The following ARID5B variants were observed in gnomAD, a reference collection of about 807,000 sequenced individuals.
ARID5B encodes the protein AT-rich interaction domain 5B.
A neutral mutation model predicts 97.2 loss-of-function variants in ARID5B; 13 were observed. That is an observed-to-expected ratio of 0.13 (90% CI 0.09 to 0.21). ARID5B has a LOEUF of 0.21. Ranked by LOEUF, ARID5B falls within the 10% of genes least tolerant of loss-of-function variation. The pLI is 1.00. For synonymous variants in ARID5B, 556 were observed against 570.3 expected, an observed-to-expected ratio of 0.97 and a Z score of 0.36; for missense variants, 1,210 against 1,465.3, an observed-to-expected ratio of 0.83 and a Z score of 2.84.
In ARID5B at chr10:62,066,366, T is replaced by C. The variant is rs537383729; in HGVS notation, c.1102-3334T>C. 2.0e-5 allele frequency among the ~76,000 whole-genome samples: 3 copies of C among 152,262 alleles called. No homozygotes were observed. The South Asian group carries it at 6.2e-4, about 32-fold the overall frequency. The stretch of plus-strand genomic sequence containing the variant: ...TAGGAGACCTGTGTACTTAACAGCA[T>C]TTAACAGTTGTGAAGGGCACATTTT... On this transcript the variant is annotated intron_variant, in intron 7 of 9. Coordinates refer to ENST00000279873, the MANE Select transcript of ARID5B (RefSeq NM_032199.3).
At chr10:62,024,926 C>T in intron 4 of ARID5B, 1 of 316,370 alleles carries the variant, frequency 3.2e-6, no homozygotes, top group Non-Finnish European at 5.8e-6. Flanking sequence ...TACTTGATTA[C>T]TACATATAAG....
intron 2 of ARID5B, among the ~76,000 whole-genome samples, chr10:61,906,286 A>C (rs990570667): frequency 2.6e-5 from 4 of 152,188 alleles, no homozygotes; most frequent in African/African-American, 9.7e-5. Context: ...TTAAATTACC[A>C]TGAAAATGAA....
intron 2 of ARID5B, among the ~76,000 whole-genome samples, chr10:61,935,759 C>T (rs1406364731): frequency 6.6e-6 from 1 of 152,130 alleles, no homozygotes; most frequent in African/African-American, 2.4e-5. Context: ...AATATAAACT[C>T]ATTATGTAAA....
At chr10:62,024,738 A>G in intron 4 of ARID5B, 1 of 396,066 alleles carries the variant, frequency 2.5e-6, no homozygotes, top group Non-Finnish European at 4.5e-6. Context: ...TGAACTGAAG[A>G]AAATCTAGAA....
intron 2 of ARID5B, among the ~76,000 whole-genome samples, chr10:61,935,011 T>TAAA (rs764799101): frequency 7.9e-6 from 1 of 127,066 alleles, no homozygotes. Context: ...AGACTCTGAT[T>TAAA]AAAAAAAAAA....
At chr10:62,090,739 C>T (rs1840356888) in intron 9 of ARID5B, 123 bp from the exon 10 acceptor site, 2 of 1,252,420 alleles carry the variant, frequency 1.6e-6, no homozygotes, top group South Asian at 1.6e-5. Flanking sequence ...TTTACAGAAA[C>T]TTCACGAGCT....
intron 3 of ARID5B, among the ~76,000 whole-genome samples, chr10:61,967,232 A>G (rs374093531): frequency 6.6e-6 from 1 of 152,220 alleles, no homozygotes; most frequent in African/African-American, 2.4e-5. Flanking sequence ...AGCAAACACC[A>G]AACAAATATG....
chr10:62,074,386 G>A (rs1341476790), intron 8 of ARID5B, among the ~76,000 whole-genome samples: 2 of 152,122 alleles, frequency 1.3e-5, no homozygotes, highest in African/African-American at 4.8e-5. Context: ...ACCCTGCATG[G>A]CTGAGGCAGC....
intron 3 of ARID5B, among the ~76,000 whole-genome samples, chr10:61,951,516 T>C (rs1489193353): frequency 1.3e-5 from 2 of 152,232 alleles, no homozygotes; most frequent in Admixed American, 1.3e-4. Flanking sequence ...ACTTCATGCC[T>C]ACGGGATAAA....
chr10:62,063,583 T>A (rs1839949844), intron 7 of ARID5B, among the ~76,000 whole-genome samples: 1 of 152,214 alleles, frequency 6.6e-6, no homozygotes, highest in African/African-American at 2.4e-5. Context: ...TATATGCAGT[T>A]CTCTCAGTCT....
chr10:62,039,684 G>T (rs755123850), intron 4 of ARID5B, among the ~76,000 whole-genome samples: 11 of 152,354 alleles, frequency 7.2e-5, no homozygotes, highest in Admixed American at 2.0e-4. Context: ...TCTCAGTGAT[G>T]CCTGATGGTT....
intron 2 of ARID5B, among the ~76,000 whole-genome samples, chr10:61,935,112 C>T (rs1844276640): frequency 6.6e-6 from 1 of 151,596 alleles, no homozygotes; most frequent in African/African-American, 2.4e-5. Context: ...CCTGGAGACA[C>T]AAAGCGAGCA....
intron 4 of ARID5B, among the ~76,000 whole-genome samples, chr10:62,035,478 T>C (rs969510418): frequency 5.9e-5 from 9 of 152,208 alleles, no homozygotes; most frequent in African/African-American, 1.7e-4. Context: ...GCTTGTTTTT[T>C]GCATTTTTTC....
chr10:61,902,007 T>A, intron 1 of ARID5B, 152 bp from the exon 2 acceptor site: 1 of 935,048 alleles, frequency 1.1e-6, no homozygotes, highest in Non-Finnish European at 1.6e-6. Context: ...AAGCAGAAAA[T>A]TTGTGGGTGC....
chr10:61,952,056 G>T (rs968048868), intron 3 of ARID5B, among the ~76,000 whole-genome samples: 1 of 152,068 alleles, frequency 6.6e-6, no homozygotes, highest in South Asian at 2.1e-4. Context: ...GGGGGGGATC[G>T]CTGGTTCAAA....
In ARID5B at chr10:62,059,161, GAA is replaced by G. The variant is rs3832683; in HGVS notation, c.1049-73_1049-72del. On this transcript the variant is annotated intron_variant, in intron 6 of 9. Transcript: ENST00000279873. ...TATTTCTTTTTTTCTCTTTCTCGTT[GAA>G]AAAAAAAATGTTTTAATTGACATTT... 1.6e-4 allele frequency: 166 copies of G among 1,063,930 alleles called. 1 individual carries two copies. Among genetic ancestry groups the G allele is most frequent in the Middle Eastern group, 2.9e-4 (1 of 3,472 alleles). 65.9% of individuals were successfully genotyped at this position (1,063,930 alleles called of 1,614,324 possible). A position where few individuals can be genotyped will look rare whatever the true frequency, so the allele number is the denominator to read the frequency against.
At chr10:62,003,840 C>T (rs957026258) in intron 4 of ARID5B, among the ~76,000 whole-genome samples, 2 of 152,162 alleles carry the variant, frequency 1.3e-5, no homozygotes, top group Non-Finnish European at 2.9e-5. Context: ...CTGCTCCCCA[C>T]CCACCAATCC....
chr10:61,902,604 A>G (rs1843635039), intron 2 of ARID5B, among the ~76,000 whole-genome samples, 191 bp downstream of exon 2: 1 of 152,108 alleles, frequency 6.6e-6, no homozygotes. Flanking sequence ...TGTCAGCTTT[A>G]CAAAGAGGAT....
chr10:61,969,417 T>C (rs1838593040), intron 3 of ARID5B, among the ~76,000 whole-genome samples: 1 of 151,636 alleles, frequency 6.6e-6, no homozygotes, highest in Admixed American at 6.6e-5. Context: ...CACACTGTTA[T>C]CCTTTTTTTT....
Sources: allele counts gnomAD v4.1 joint callset (sites outside exome capture counted in the v4.1 genomes callset), GRCh38; gene constraint gnomAD v4.1.1; transcripts MANE v1.5; gene names NCBI Gene and HGNC (gene_info 2026-07-23, HGNC 2026-07-21).